TBC1D8: variants seen among roughly 807,000 people sequenced by gnomAD.
TBC1D8 encodes the protein TBC1 domain family member 8, also known as BUB2-like protein 1.
A neutral mutation model predicts 118.8 loss-of-function variants in TBC1D8; 65 were observed. The observed-to-expected ratio is 0.55, with a 90% CI of 0.45 to 0.67. The LOEUF (loss-of-function observed/expected upper bound fraction) is 0.67. Among genes scored for constraint, TBC1D8 ranks in the 30% least tolerant of loss-of-function variants. The pLI is 0.00. For missense variants in TBC1D8, 1,376 were observed against 1,471.2 expected, an observed-to-expected ratio of 0.94 and a Z score of 1.06; for synonymous variants, 566 against 595.8, an observed-to-expected ratio of 0.95 and a Z score of 0.73.
intron 1 of TBC1D8, among the ~76,000 whole-genome samples, chr2:101,147,038 C>T (rs1413466168): frequency 6.6e-6 from 1 of 151,866 alleles, no homozygotes; most frequent in African/African-American, 2.4e-5. Flanking sequence ...ATGCGCCAGG[C>T]ACGGTGGCTC....
At chr2:101,058,610 C>T (rs1216563949) in intron 3 of TBC1D8, among the ~76,000 whole-genome samples, 1 of 152,078 alleles carries the variant, frequency 6.6e-6, no homozygotes, top group Non-Finnish European at 1.5e-5. Context: ...ACAGATACCT[C>T]CAAAAATATT....
At chr2:101,072,328 G>A (rs879417328) in intron 2 of TBC1D8, among the ~76,000 whole-genome samples, 11 of 152,112 alleles carry the variant, frequency 7.2e-5, no homozygotes, top group African/African-American at 2.4e-4. Context: ...GAAGGCAAAG[G>A]GGGAGCAGGT....
At chr2:101,105,025 CAAAAAA>C (rs4069926) in intron 1 of TBC1D8, among the ~76,000 whole-genome samples, 1 of 115,676 alleles carries the variant, frequency 8.6e-6, no homozygotes, top group African/African-American at 3.4e-5. Flanking sequence ...AACTCTATCT[CAAAAAA>C]AAAAAAAAAA....
At chr2:101,058,451 C>A (rs547379505) in intron 3 of TBC1D8, among the ~76,000 whole-genome samples, 1 of 152,190 alleles carries the variant, frequency 6.6e-6, no homozygotes, top group Non-Finnish European at 1.5e-5. Context: ...CTGTATCATA[C>A]GCTAATGTGT....
chr2:101,098,900 T>C (rs991528050), intron 1 of TBC1D8, among the ~76,000 whole-genome samples: 1 of 151,994 alleles, frequency 6.6e-6, no homozygotes, highest in Non-Finnish European at 1.5e-5. Flanking sequence ...AATCCTCACA[T>C]CAGAAAGCTA....
At chr2:101,109,716 A>G in intron 1 of TBC1D8, 1 of 846,346 alleles carries the variant, frequency 1.2e-6, no homozygotes, top group Admixed American at 6.2e-5. Flanking sequence ...CTGAGCACTG[A>G]GAGATGATGC....
intron 7 of TBC1D8, 136 bp from the exon 8 acceptor site, chr2:101,037,844 T>A: frequency 9.3e-7 from 1 of 1,077,002 alleles, no homozygotes. Flanking sequence ...GAAGACAGAC[T>A]GACGCCAGAC....
chr2:101,033,483 G>A (rs777015346), intron 10 of TBC1D8, 61 bp downstream of exon 10: 2 of 1,595,852 alleles, frequency 1.3e-6, no homozygotes, highest in Non-Finnish European at 1.7e-6. Context: ...TGAAACCCTG[G>A]GAAGGACAAC....
In TBC1D8 at chr2:101,007,523, A is replaced by C. The variant is rs2105352520; in HGVS notation, c.*298T>G. The C allele has an allele frequency of 2.7e-6, 1 of 365,940 alleles. No homozygotes were observed. Among genetic ancestry groups the C allele is most frequent in the South Asian group, 4.0e-5 (1 of 25,244 alleles). 22.7% of individuals were successfully genotyped at this position (365,940 alleles called of 1,614,324 possible). Reference sequence around the variant, plus strand: ...TTGGTTAGTATGAGACATTGTGTTCATCTGAGAGCAAAATCAACACTAGCA... The same window carrying C: ...TTGGTTAGTATGAGACATTGTGTTCCTCTGAGAGCAAAATCAACACTAGCA... On this transcript the variant is annotated 3_prime_UTR_variant, in exon 20 of 20. Transcript: ENST00000409318.
intron 18 of TBC1D8, 86 bp from the exon 19 acceptor site, chr2:101,011,112 G>A: frequency 7.7e-7 from 1 of 1,293,960 alleles, no homozygotes; most frequent in Non-Finnish European, 1.1e-6. Flanking sequence ...AGAGGAGCAA[G>A]GGGGTGAGGA....
intron 5 of TBC1D8, among the ~76,000 whole-genome samples, chr2:101,049,054 C>T (rs891445589): frequency 6.6e-6 from 1 of 152,160 alleles, no homozygotes. Context: ...ATGAATAATG[C>T]TGCTGCAAAC....
chr2:101,057,567 T>G (rs928271113), intron 3 of TBC1D8, among the ~76,000 whole-genome samples: 2 of 152,232 alleles, frequency 1.3e-5, no homozygotes, highest in Admixed American at 1.3e-4. Flanking sequence ...GGCTCACATC[T>G]ATAATCCCAG....
intron 15 of TBC1D8, among the ~76,000 whole-genome samples, chr2:101,025,997 T>C (rs1680316043): frequency 6.6e-6 from 1 of 152,254 alleles, no homozygotes; most frequent in South Asian, 2.1e-4. Flanking sequence ...TGTTGGTCCT[T>C]CATAGGAAGG....
At chr2:101,135,265 C>T (rs1047909079) in intron 1 of TBC1D8, among the ~76,000 whole-genome samples, 12 of 152,242 alleles carry the variant, frequency 7.9e-5, no homozygotes, top group African/African-American at 2.9e-4. Flanking sequence ...CTACAAGAGG[C>T]TCTCCAACCC....
chr2:101,082,430 C>T (rs922695337), intron 2 of TBC1D8, among the ~76,000 whole-genome samples: 1 of 152,170 alleles, frequency 6.6e-6, no homozygotes, highest in Non-Finnish European at 1.5e-5. Flanking sequence ...GGCACCCTGG[C>T]CCTCCCAGCA....
chr2:101,148,347 A>G (rs1679403425), intron 1 of TBC1D8, among the ~76,000 whole-genome samples: 1 of 152,218 alleles, frequency 6.6e-6, no homozygotes, highest in African/African-American at 2.4e-5. Flanking sequence ...TCACCCATCC[A>G]TTCATCCTAC....
In TBC1D8 at chr2:101,054,280, C is replaced by T; in HGVS notation, c.459G>A (p.Glu153=). The T allele has an allele frequency of 6.3e-7, 1 of 1,592,670 alleles. No individual in the cohort carries two copies. The highest frequency in any genetic ancestry group is 2.3e-5 in the East Asian group (1 of 43,852). ...SRLAEQEEEP[E]KFREALVKFE... ...ACTTCACCAGGGCTTCTCGGAATTTCTCGGGTTCCTCCTCCTGCTCGGCGA... is the reference window on the plus strand; with the variant it reads ...ACTTCACCAGGGCTTCTCGGAATTTTTCGGGTTCCTCCTCCTGCTCGGCGA... Residue 153 remains glutamate (E), a synonymous_variant, in exon 4 of 20, where the codon GAG becomes GAA. Coordinates refer to ENST00000409318, the MANE Select transcript of TBC1D8 (RefSeq NM_001330348.2).
intron 5 of TBC1D8, among the ~76,000 whole-genome samples, chr2:101,049,064 C>T (rs1386022979): frequency 6.6e-6 from 1 of 152,136 alleles, no homozygotes; most frequent in Non-Finnish European, 1.5e-5. Context: ...CTGCTGCAAA[C>T]ACGGGCATAC....
rs960333598 is a variant in TBC1D8, at chr2:101,100,612, T to C, written c.128-10248A>G. On this transcript the variant is annotated intron_variant, in intron 1 of 19. Transcript: ENST00000409318. ...ATACTACTAAAAATTTATTTATTTT[T>C]AGTACACACTACCTGATCTCAAACT... is the stretch of plus-strand genomic sequence containing the variant. Among the ~76,000 whole-genome samples, 11 of 152,284 alleles carry C rather than the reference T, an allele frequency of 7.2e-5. 1 individual carries two copies. Among genetic ancestry groups the C allele is most frequent in the Admixed American group, 7.2e-4 (11 of 15,284 alleles).
Sources: gnomAD v4.1 joint callset for allele counts (sites outside exome capture counted in the v4.1 genomes callset) on GRCh38, gnomAD v4.1.1 for gene constraint, MANE v1.5 for transcripts, NCBI Gene and HGNC (gene_info 2026-07-23, HGNC 2026-07-21) for gene names.